EYS: variants seen among roughly 807,000 people sequenced by gnomAD.
EYS encodes the protein EGF-like photoreceptor maintenance factor.
Under a neutral mutation model 282.1 loss-of-function variants are expected in EYS, and 250 were observed. The observed-to-expected ratio is 0.89, with a 90% CI of 0.80 to 0.98. The LOEUF is 0.98. Among genes scored for constraint, EYS ranks in the 50% least tolerant of loss-of-function variants. The probability of loss-of-function intolerance (pLI) is 0.00; values close to 1 mark genes in which losing one functional copy is unlikely to be tolerated. For missense variants in EYS, 4,016 were observed against 3,709.0 expected, an observed-to-expected ratio of 1.08 and a Z score of -2.15; for synonymous variants, 1,355 against 1,282.9, an observed-to-expected ratio of 1.06 and a Z score of -1.20.
intron 29 of EYS, among the ~76,000 whole-genome samples, chr6:64,313,543 A>T (rs1769814488): frequency 6.6e-6 from 1 of 152,032 alleles, no homozygotes; most frequent in Non-Finnish European, 1.5e-5. Context: ...CACCACAAAG[A>T]TACTCCTCGA....
intron 33 of EYS, among the ~76,000 whole-genome samples, chr6:64,058,510 A>C (rs1771060671): frequency 6.6e-6 from 1 of 152,178 alleles, no homozygotes; most frequent in Non-Finnish European, 1.5e-5. Context: ...AAGTGGAAGG[A>C]AAAATATACA....
rs201364943 is a variant in EYS, at chr6:63,864,244, G to A, written c.7170C>T (p.Ser2390=). The A allele has an allele frequency of 2.0e-5, 31 of 1,550,846 alleles. No homozygotes were observed. The highest frequency in any genetic ancestry group is 1.7e-4 in the Middle Eastern group (1 of 6,014). The change falls in exon 36 of 43, where the codon TCC becomes TCT. Residue 2390 remains serine (S), a synonymous_variant. Transcript: ENST00000503581. ...CGNGATCVPK[S]GTDIVCLCPY... ...GGCAGAGGCAGACAATATCTGTTCC[G>A]GATTTTGGAACACAGGTGGCACCAT...
At chr6:64,823,026 CA>C (rs1185285294) in intron 19 of EYS, among the ~76,000 whole-genome samples, 1 of 151,834 alleles carries the variant, frequency 6.6e-6, no homozygotes, top group Non-Finnish European at 1.5e-5. Context: ...ATGTGAATGA[CA>C]AAAACAAAGC....
At chr6:64,785,248 C>G (rs971863301) in intron 22 of EYS, among the ~76,000 whole-genome samples, 1 of 152,120 alleles carries the variant, frequency 6.6e-6, no homozygotes, top group Admixed American at 6.6e-5. Context: ...GGATTTCTTT[C>G]TTTCCAGCTT....
intron 26 of EYS, among the ~76,000 whole-genome samples, chr6:64,502,653 G>A (rs1777092751): frequency 6.6e-6 from 1 of 151,452 alleles, no homozygotes; most frequent in African/African-American, 2.4e-5. Context: ...TTTTATATAA[G>A]GAATAAATTC....
chr6:64,329,932 C>T (rs988961244), intron 29 of EYS, among the ~76,000 whole-genome samples: 1 of 152,260 alleles, frequency 6.6e-6, no homozygotes, highest in Admixed American at 6.5e-5. Context: ...ATCCAACTAG[C>T]TCCTGAAAGC....
intron 13 of EYS, among the ~76,000 whole-genome samples, chr6:65,036,618 C>CA (rs553556855): frequency 0.083 from 11,165 of 135,204 alleles, 482 homozygotes; most frequent in East Asian, 0.15. Flanking sequence ...ATTAGTAAGC[C>CA]AAAAAAAAAA....
chr6:64,613,637 C>T (rs1056823139), intron 24 of EYS, among the ~76,000 whole-genome samples: 1 of 151,508 alleles, frequency 6.6e-6, no homozygotes, highest in Non-Finnish European at 1.5e-5. Context: ...TCTGCTGGAG[C>T]CAAAACCAGG....
chr6:64,074,659 C>T (rs1005522245), intron 32 of EYS, among the ~76,000 whole-genome samples: 1 of 151,706 alleles, frequency 6.6e-6, no homozygotes, highest in Non-Finnish European at 1.5e-5. Flanking sequence ...AATCTAACAT[C>T]ATTCCTTATA....
intron 2 of EYS, among the ~76,000 whole-genome samples, chr6:65,577,754 A>G (rs1764725622): frequency 6.6e-6 from 1 of 151,310 alleles, no homozygotes; most frequent in Non-Finnish European, 1.5e-5. Context: ...CTGTTTTAAA[A>G]AAAAAAAAAA....
chr6:63,923,381 CAG>C (rs1764626137), intron 35 of EYS, among the ~76,000 whole-genome samples: 1 of 151,950 alleles, frequency 6.6e-6, no homozygotes. Context: ...AAAGTTTAGA[CAG>C]TATTACGGTA....
At chr6:65,443,445 C>T (rs1375829666) in intron 5 of EYS, among the ~76,000 whole-genome samples, 1 of 140,978 alleles carries the variant, frequency 7.1e-6, no homozygotes, top group Non-Finnish European at 1.6e-5. Flanking sequence ...CACATATAGC[C>T]ATATGTACAT....
chr6:65,345,164 C>T (rs1480893245), intron 9 of EYS, among the ~76,000 whole-genome samples: 2 of 151,584 alleles, frequency 1.3e-5, no homozygotes, highest in Non-Finnish European at 2.9e-5. Context: ...GAGCTAGGAA[C>T]CAAGCACAAT....
intron 29 of EYS, among the ~76,000 whole-genome samples, chr6:64,355,226 G>A (rs1246864688): frequency 4.6e-5 from 7 of 151,570 alleles, no homozygotes; most frequent in Non-Finnish European, 8.9e-5. Context: ...TGGGAAAACA[G>A]AATTTTGTGT....
intron 12 of EYS, among the ~76,000 whole-genome samples, chr6:65,126,155 T>C (rs1775711761): frequency 6.6e-6 from 1 of 152,138 alleles, no homozygotes; most frequent in African/African-American, 2.4e-5. Flanking sequence ...TTTTACCTTT[T>C]ATACCCATTT....
At chr6:63,905,725 C>T (rs527710489) in intron 35 of EYS, among the ~76,000 whole-genome samples, 134 of 152,266 alleles carry the variant, frequency 8.8e-4, no homozygotes, top group African/African-American at 3.0e-3. Flanking sequence ...TTCTCTAACC[C>T]AGTGGACTAG....
chr6:65,534,895 G>A (rs534897922), intron 2 of EYS, among the ~76,000 whole-genome samples: 18 of 152,136 alleles, frequency 1.2e-4, no homozygotes, highest in African/African-American at 3.9e-4. Context: ...ACCTGATTTA[G>A]CTGCTGCTGG....
At chr6:65,218,791 T>C (rs1373378048) in intron 12 of EYS, among the ~76,000 whole-genome samples, 1 of 152,084 alleles carries the variant, frequency 6.6e-6, no homozygotes, top group Non-Finnish European at 1.5e-5. Context: ...TAAAATCATC[T>C]AGCCTAGAAT....
At chr6:63,960,207 AGTT>A (rs1765998759) in intron 35 of EYS, among the ~76,000 whole-genome samples, 1 of 152,200 alleles carries the variant, frequency 6.6e-6, no homozygotes, top group South Asian at 2.1e-4. Context: ...GTTTGGAAGA[AGTT>A]GATTACAATC....
Sources: allele counts gnomAD v4.1 joint callset (sites outside exome capture counted in the v4.1 genomes callset), GRCh38; gene constraint gnomAD v4.1.1; transcripts MANE v1.5; gene names NCBI Gene and HGNC (gene_info 2026-07-23, HGNC 2026-07-21).